OSBPL5: variants seen among roughly 807,000 people sequenced by gnomAD.
The protein encoded by OSBPL5 is oxysterol-binding protein-related protein 5.
OSBPL5 carries 71 observed loss-of-function variants against 111.2 expected under a neutral mutation model. That is an observed-to-expected ratio of 0.64 (90% CI 0.53 to 0.78). OSBPL5 has a LOEUF of 0.78. Ranked by LOEUF, OSBPL5 falls within the 30% of genes least tolerant of loss-of-function variation. The pLI, the probability that OSBPL5 is intolerant of heterozygous loss-of-function variation, is 0.00. For synonymous variants in OSBPL5, 549 were observed against 513.9 expected (o/e 1.07, Z -0.93); for missense variants, 1,210 against 1,189.3 (o/e 1.02, Z -0.26).
intron 7 of OSBPL5, among the ~76,000 whole-genome samples, chr11:3,112,576 T>C (rs748054212): frequency 7.2e-5 from 11 of 151,846 alleles, no homozygotes; most frequent in Non-Finnish European, 1.5e-4. Flanking sequence ...AATGTCTTTG[T>C]TTAAAAAAAA....
chr11:3,096,329 G>T (rs1857251792), intron 14 of OSBPL5, among the ~76,000 whole-genome samples: 1 of 152,146 alleles, frequency 6.6e-6, no homozygotes, highest in African/African-American at 2.4e-5. Flanking sequence ...GTTAAGAAGG[G>T]AAATCCCGGC....
chr11:3,118,757 G>C (rs1394173049), intron 7 of OSBPL5, among the ~76,000 whole-genome samples: 2 of 151,914 alleles, frequency 1.3e-5, no homozygotes, highest in Non-Finnish European at 2.9e-5. Flanking sequence ...TTTTAGTAGA[G>C]ACAGGGTTTC....
chr11:3,130,319 T>C lies in OSBPL5; in HGVS notation c.-21-1150A>G, dbSNP rs531705366. 6.6e-6 allele frequency among the ~76,000 whole-genome samples: 1 copy of C among 152,370 alleles called. No homozygotes were observed. Among genetic ancestry groups the C allele is most frequent in the East Asian group, 1.9e-4 (1 of 5,188 alleles). ...TCCTCCTTTCCCAATTTTCTGGGGC[T>C]GCTTCCTGCTGCCTCAGGGCAGGCC... is the stretch of plus-strand genomic sequence containing the variant. On this transcript the variant is annotated intron_variant, in intron 1 of 21. Transcript: ENST00000263650. This position sits in a 1 kb window ranked among gnomAD's most constrained non-coding sequence, Gnocchi z 4.5.
chr11:3,153,551 G>A (rs548127838), intron 1 of OSBPL5, among the ~76,000 whole-genome samples: 4 of 152,140 alleles, frequency 2.6e-5, no homozygotes, highest in African/African-American at 4.8e-5. Flanking sequence ...GGCTGATGAC[G>A]CCAGCACCGT....
At chr11:3,116,255 A>G (rs759764360) in intron 7 of OSBPL5, among the ~76,000 whole-genome samples, 1 of 152,192 alleles carries the variant, frequency 6.6e-6, no homozygotes, top group Non-Finnish European at 1.5e-5. Flanking sequence ...AATGATTATA[A>G]TTGTTATGTT....
At chr11:3,120,370 G>A (rs745820608) in intron 6 of OSBPL5, 51 bp downstream of exon 6, 21 of 1,564,468 alleles carry the variant, frequency 1.3e-5, no homozygotes, top group Non-Finnish European at 1.6e-5. Flanking sequence ...CTAGGAATGA[G>A]CCCCTTGGCC....
chr11:3,159,040 G>A (rs918273195), intron 1 of OSBPL5, among the ~76,000 whole-genome samples: 7 of 152,156 alleles, frequency 4.6e-5, no homozygotes, highest in Admixed American at 2.6e-4. Flanking sequence ...CATTCTTGGG[G>A]CCCCATTTCC....
intron 1 of OSBPL5, among the ~76,000 whole-genome samples, chr11:3,160,383 A>G (rs558620497): frequency 2.6e-5 from 4 of 152,194 alleles, no homozygotes; most frequent in East Asian, 1.9e-4. Context: ...GGCGGGCAGG[A>G]GCGGGACGCA....
At position 3,103,784 on chromosome 11, in the gene OSBPL5, G is replaced by GCCCCC. The variant is rs201532517; in HGVS notation, c.1244+408_1244+409insGGGGG. Among the ~76,000 whole-genome samples the GCCCCC allele has an allele frequency of 1.7e-3, 109 of 65,748 alleles. 13 individuals are homozygous for GCCCCC. The highest frequency in any genetic ancestry group is 2.9e-3 in the Non-Finnish European group (87 of 30,284). The allele number at this position is 65,748 out of a possible 152,430, so 43.1% of individuals were successfully genotyped here. On this transcript the variant is annotated intron_variant, in intron 10 of 21. Coordinates refer to ENST00000263650, the MANE Select transcript of OSBPL5 (RefSeq NM_020896.4). ...CTGCAGCCCCCTTCCAGCCTCTGCA[G>GCCCCC]TCCCTTCCTGCCTCTGCAGCCCTCT...
intron 14 of OSBPL5, among the ~76,000 whole-genome samples, chr11:3,099,720 G>A (rs550708749): frequency 7.2e-5 from 11 of 152,226 alleles, no homozygotes; most frequent in Admixed American, 2.0e-4. Context: ...CAAGCAAAAC[G>A]CACATATTCA....
rs1456651006 is a variant in OSBPL5 at position 3,109,700 on chromosome 11, G to A, written c.692-1755C>T. Among the ~76,000 whole-genome samples, 7 of 152,048 alleles carry A rather than the reference G, an allele frequency of 4.6e-5. No homozygotes were observed. Among genetic ancestry groups the A allele is most frequent in the African/African-American group, 9.7e-5 (4 of 41,390 alleles). On this transcript the variant is annotated intron_variant, in intron 7 of 21. Transcript: ENST00000263650. This position sits in a 1 kb window ranked among gnomAD's most constrained non-coding sequence, Gnocchi z 7.4. ...GGTGCCAGAGCGGCCAAGCCTGGGC[G>A]GAACACCAGGGTTGGGGGAGGGATG... is the stretch of plus-strand genomic sequence containing the variant.
Position 3,129,012 on chromosome 11 carries a change from C to T in OSBPL5, c.136+1G>A. 6.4e-7 allele frequency: 1 copy of T among 1,570,250 alleles called. No homozygotes were observed. Among genetic ancestry groups the T allele is most frequent in the Non-Finnish European group, 8.6e-7 (1 of 1,159,358 alleles). ...TTGCCCTGCCCACGGCCGGCACTTA[C>T]CTGGGCTGAGTGGGTAGAGCTCATT... On this transcript the variant is annotated splice_donor_variant, in intron 2 of 21. Coordinates refer to ENST00000263650, the MANE Select transcript of OSBPL5 (RefSeq NM_020896.4). LOFTEE classifies it high-confidence loss of function.
chr11:3,126,671 G>T lies in OSBPL5; in HGVS notation c.137-116C>A. The T allele has an allele frequency of 1.3e-6, 1 of 793,314 alleles. No individual in the cohort carries two copies. The allele number at this position is 793,314 out of a possible 1,614,324, so 49.1% of individuals were successfully genotyped here. The stretch of plus-strand genomic sequence containing the variant: ...GGTGCGGATGACCTGGGAGGGGCAG[G>T]AAGTCAGCCGGAGGTGGTGGCAGGA... On this transcript the variant is annotated intron_variant, in intron 2 of 21. Coordinates refer to ENST00000263650, the MANE Select transcript of OSBPL5 (RefSeq NM_020896.4). The surrounding 1 kb of genome is among the most constrained non-coding windows in gnomAD (Gnocchi z 6.5).
At chr11:3,155,183 G>A (rs1033006741) in intron 1 of OSBPL5, among the ~76,000 whole-genome samples, 1 of 152,204 alleles carries the variant, frequency 6.6e-6, no homozygotes, top group African/African-American at 2.4e-5. Context: ...GCTTAGTGGT[G>A]GAAACCCCAG....
Position 3,142,568 on chromosome 11 carries a change from A to G in OSBPL5, c.-21-13399T>C, listed in dbSNP as rs917898237. 2.6e-5 allele frequency among the ~76,000 whole-genome samples: 4 copies of G among 152,168 alleles called. No homozygotes were observed. The highest frequency in any genetic ancestry group is 5.9e-5 in the Non-Finnish European group (4 of 68,020). On this transcript the variant is annotated intron_variant, in intron 1 of 21. Coordinates refer to ENST00000263650, the MANE Select transcript of OSBPL5 (RefSeq NM_020896.4). This position sits in a 1 kb window ranked among gnomAD's most constrained non-coding sequence, Gnocchi z 7.1. ...ACTGAGAATGAAACAGGAAAATGAA[A>G]TGAATGACTCCATCCTACAGGTCTG... is the stretch of plus-strand genomic sequence containing the variant.
intron 3 of OSBPL5, among the ~76,000 whole-genome samples, chr11:3,125,037 CAG>C (rs1858564476): frequency 6.6e-6 from 1 of 152,220 alleles, no homozygotes; most frequent in Non-Finnish European, 1.5e-5. Context: ...CCCAGCACTG[CAG>C]AGAGTGCCTG....
intron 17 of OSBPL5, 153 bp downstream of exon 17, chr11:3,093,374 G>C: frequency 8.1e-7 from 1 of 1,227,700 alleles, no homozygotes. Flanking sequence ...TCCTTTCCAG[G>C]ACACGTGATC....
intron 1 of OSBPL5, among the ~76,000 whole-genome samples, chr11:3,147,965 A>T (rs946453756): frequency 6.6e-6 from 1 of 151,964 alleles, no homozygotes; most frequent in Non-Finnish European, 1.5e-5. Flanking sequence ...CTCTGGGGCC[A>T]CTAGCTGGGC....
rs548582462 is a variant in OSBPL5 at position 3,121,942 on chromosome 11, T to C, written c.402+55A>G. On this transcript the variant is annotated intron_variant, in intron 5 of 21. Coordinates refer to ENST00000263650, the MANE Select transcript of OSBPL5 (RefSeq NM_020896.4). This position sits in a 1 kb window ranked among gnomAD's most constrained non-coding sequence, Gnocchi z 4.3. ...CCACCTGGTTTATGGTCCTTTGTTA[T>C]GGCAGCAGCACGCTGACCCGTGTCC... is the stretch of plus-strand genomic sequence containing the variant. 1.8e-5 allele frequency: 26 copies of C among 1,466,432 alleles called. No homozygotes were observed. The highest frequency in any genetic ancestry group is 4.8e-5 in the South Asian group (4 of 82,618). 90.8% of individuals were successfully genotyped at this position (1,466,432 alleles called of 1,614,324 possible).
Sources: allele counts gnomAD v4.1 joint callset (sites outside exome capture counted in the v4.1 genomes callset), GRCh38; gene constraint gnomAD v4.1.1; non-coding constraint Gnocchi (gnomAD v3.1); transcripts MANE v1.5; gene names NCBI Gene and HGNC (gene_info 2026-07-23, HGNC 2026-07-21).